MMP26: variants seen among roughly 807,000 people sequenced by gnomAD.
The protein encoded by MMP26 is matrix metalloproteinase-26.
MMP26 carries 33 observed loss-of-function variants against 31.0 expected under a neutral mutation model. That is an observed-to-expected ratio of 1.06 (90% confidence interval 0.81 to 1.42). MMP26 has a LOEUF of 1.42. Ranked by LOEUF, MMP26 falls within the 40% of genes most tolerant of loss-of-function variation. The probability of loss-of-function intolerance (pLI) is 0.00; values close to 1 mark genes in which losing one functional copy is unlikely to be tolerated. For synonymous variants in MMP26, 122 were observed against 114.9 expected (o/e 1.06, Z -0.40); for missense variants, 347 against 316.1 (o/e 1.10, Z -0.74).
At chr11:4,890,979 GAATAATAATAATAATAAT>G (rs71050436) in intron 2 of MMP26, among the ~76,000 whole-genome samples, 141 of 137,116 alleles carry the variant, frequency 1.0e-3, no homozygotes, top group African/African-American at 3.6e-3. Flanking sequence ...AATGAACTCA[GAATAATAATAATAATAAT>G]AATAATAATA....
chr11:4,967,400 A>G (rs1846611357), intron 2 of MMP26, among the ~76,000 whole-genome samples: 1 of 152,214 alleles, frequency 6.6e-6, no homozygotes, highest in African/African-American at 2.4e-5. Context: ...GAAACTTTTC[A>G]TAAGAATCTC....
At chr11:4,935,824 A>G (rs1851431714) in intron 2 of MMP26, among the ~76,000 whole-genome samples, 2 of 151,526 alleles carry the variant, frequency 1.3e-5, no homozygotes, top group African/African-American at 2.4e-5. Flanking sequence ...TTCTGCATCT[A>G]TTGAGATAAT....
At chr11:4,740,227 A>G (rs1361384708) in intron 1 of MMP26, among the ~76,000 whole-genome samples, 1 of 152,198 alleles carries the variant, frequency 6.6e-6, no homozygotes, top group Non-Finnish European at 1.5e-5. Context: ...AGTTATACAT[A>G]TTAGAAGAAT....
intron 2 of MMP26, among the ~76,000 whole-genome samples, chr11:4,986,973 C>CTCTT (rs1046500854): frequency 7.1e-6 from 1 of 141,504 alleles, no homozygotes; most frequent in African/African-American, 2.7e-5. Context: ...CTCTCTCTCT[C>CTCTT]TCTTTCTTTC....
At chr11:4,869,034 G>T (rs1054567395) in intron 2 of MMP26, among the ~76,000 whole-genome samples, 1 of 152,166 alleles carries the variant, frequency 6.6e-6, no homozygotes, top group Non-Finnish European at 1.5e-5. Flanking sequence ...GCTGAAACTG[G>T]ATCCTTCCTT....
At chr11:4,713,657 A>G (rs1847890047) in intron 1 of MMP26, among the ~76,000 whole-genome samples, 1 of 152,142 alleles carries the variant, frequency 6.6e-6, no homozygotes, top group Non-Finnish European at 1.5e-5. Context: ...GAAAGAATAA[A>G]TGAAGATTTT....
chr11:4,804,054 G>C (rs1849226829), intron 2 of MMP26: 2 of 1,614,030 alleles, frequency 1.2e-6, no homozygotes, highest in African/African-American at 2.7e-5. Flanking sequence ...CAGAAGAAAA[G>C]GCATGGATGA....
At chr11:4,856,015 C>T (rs995750533) in intron 2 of MMP26, among the ~76,000 whole-genome samples, 1 of 152,144 alleles carries the variant, frequency 6.6e-6, no homozygotes, top group Non-Finnish European at 1.5e-5. Context: ...TACAGACAAG[C>T]AAATGCTGAG....
intron 2 of MMP26, among the ~76,000 whole-genome samples, chr11:4,910,973 T>C (rs1850982277): frequency 6.6e-6 from 1 of 152,172 alleles, no homozygotes; most frequent in Non-Finnish European, 1.5e-5. Flanking sequence ...CCTGCTACAA[T>C]CATGCCAGGC....
chr11:4,980,938 C>T (rs1846804400), intron 2 of MMP26, among the ~76,000 whole-genome samples: 1 of 151,836 alleles, frequency 6.6e-6, no homozygotes, highest in South Asian at 2.1e-4. Context: ...TTAAGAAGGA[C>T]AGGACTTAAG....
intron 2 of MMP26, among the ~76,000 whole-genome samples, chr11:4,929,933 TAG>T (rs1851323298): frequency 2.6e-5 from 4 of 152,212 alleles, no homozygotes; most frequent in Admixed American, 6.5e-5. Context: ...ATTTTGTTTT[TAG>T]AGGACAGCAA....
At chr11:4,763,106 G>T (rs1848588858) in intron 1 of MMP26, among the ~76,000 whole-genome samples, 1 of 152,110 alleles carries the variant, frequency 6.6e-6, no homozygotes, top group Admixed American at 6.5e-5. Context: ...TTAGAATAAG[G>T]AGAGTACTTG....
intron 2 of MMP26, among the ~76,000 whole-genome samples, chr11:4,910,061 C>G (rs1230237861): frequency 6.6e-6 from 1 of 151,990 alleles, no homozygotes; most frequent in African/African-American, 2.4e-5. Context: ...TTTTATAATT[C>G]TGTAAGCTGC....
intron 2 of MMP26, among the ~76,000 whole-genome samples, chr11:4,874,520 A>C (rs913505208): frequency 2.6e-5 from 4 of 151,266 alleles, no homozygotes; most frequent in African/African-American, 9.7e-5. Context: ...GAATTCACTT[A>C]ATTTTTATGC....
At chr11:4,812,943 CT>C (rs1017904014) in intron 2 of MMP26, among the ~76,000 whole-genome samples, 27 of 143,066 alleles carry the variant, frequency 1.9e-4, no homozygotes, top group East Asian at 1.6e-3. Context: ...CTGAGATTTT[CT>C]TTTTTTTTTC....
At chr11:4,723,404 C>G (rs779863873) in intron 1 of MMP26, 1 of 966,790 alleles carries the variant, frequency 1.0e-6, no homozygotes, top group East Asian at 2.4e-5. Context: ...TTGACCTCAG[C>G]GATAGTGTTG....
intron 2 of MMP26, among the ~76,000 whole-genome samples, chr11:4,950,218 T>C (rs530124167): frequency 8.1e-6 from 1 of 123,658 alleles, no homozygotes; most frequent in South Asian, 2.4e-4. Context: ...AATATTTTCA[T>C]GATTTGGGAT....
At chr11:4,931,506 TTATA>T (rs1337573073) in intron 2 of MMP26, among the ~76,000 whole-genome samples, 1 of 152,066 alleles carries the variant, frequency 6.6e-6, no homozygotes, top group Non-Finnish European at 1.5e-5. Context: ...CCTATGTGTT[TTATA>T]TATAGAGAGA....
At chr11:4,987,576 A>G (rs982270269) in intron 2 of MMP26, among the ~76,000 whole-genome samples, 41 of 151,452 alleles carry the variant, frequency 2.7e-4, no homozygotes, top group Non-Finnish European at 4.3e-4. Context: ...CCACCACCAC[A>G]CCCGGCTAAT....
Sources: allele counts gnomAD v4.1 joint callset (sites outside exome capture counted in the v4.1 genomes callset), GRCh38; gene constraint gnomAD v4.1.1; transcripts MANE v1.5; gene names NCBI Gene and HGNC (gene_info 2026-07-23, HGNC 2026-07-21).